The following PALM2AKAP2 variants were observed in gnomAD, a reference collection of about 807,000 sequenced individuals.
PALM2AKAP2 encodes the protein PALM2 and AKAP2 fusion.
A neutral mutation model predicts 71.5 loss-of-function variants in PALM2AKAP2; 37 were observed. The observed-to-expected ratio is 0.52, with a 90% CI of 0.40 to 0.68. The LOEUF (loss-of-function observed/expected upper bound fraction) is 0.68. Among genes scored for constraint, PALM2AKAP2 ranks in the 30% least tolerant of loss-of-function variants. The pLI is 0.00. For missense variants in PALM2AKAP2, 1,224 were observed against 1,191.8 expected (o/e 1.03, Z -0.40); for synonymous variants, 468 against 478.8 (o/e 0.98, Z 0.29).
At chr9:109,978,561 T>G (rs1330091411) in intron 6 of PALM2AKAP2, among the ~76,000 whole-genome samples, 1 of 152,162 alleles carries the variant, frequency 6.6e-6, no homozygotes, top group Non-Finnish European at 1.5e-5. Context: ...CCATCCTCCT[T>G]ATGTTGCCTG....
chr9:110,136,529 AC>A lies in PALM2AKAP2; in HGVS notation c.562del (p.Gln188SerfsTer75). On this transcript the variant is annotated frameshift_variant, in exon 2 of 4. Transcript: ENST00000374525. LOFTEE classifies it high-confidence loss of function. ...CCTAAGCCCCCCTGTCCACGAGGCG[AC>A]CCAGCCAGAACCCACTGAAAGAACA... 1 of 1,613,358 alleles carries A rather than the reference AC, an allele frequency of 6.2e-7. No individual in the cohort carries two copies. The highest frequency in any genetic ancestry group is 8.5e-7 in the Non-Finnish European group (1 of 1,180,008).
chr9:110,020,463 A>G (rs1380003178), intron 7 of PALM2AKAP2, among the ~76,000 whole-genome samples: 1 of 152,064 alleles, frequency 6.6e-6, no homozygotes, highest in Non-Finnish European at 1.5e-5. Flanking sequence ...TGGGTGGATC[A>G]CCTGAGGTCA....
intron 3 of PALM2AKAP2, among the ~76,000 whole-genome samples, chr9:109,908,102 C>G (rs922427334): frequency 6.6e-6 from 1 of 152,174 alleles, no homozygotes; most frequent in Admixed American, 6.5e-5. Flanking sequence ...AGGCTGTGTG[C>G]AAATACTCTT....
intron 6 of PALM2AKAP2, among the ~76,000 whole-genome samples, chr9:110,011,020 T>TATATATATAG (rs1554737839): frequency 1.4e-4 from 17 of 123,888 alleles, no homozygotes; most frequent in African/African-American, 4.8e-4. Flanking sequence ...AAAAAATATA[T>TATATATATAG]ATATATATAT....
chr9:109,844,927 AATG>A (rs1205668097), intron 1 of PALM2AKAP2, among the ~76,000 whole-genome samples: 1 of 90,086 alleles, frequency 1.1e-5, no homozygotes, highest in African/African-American at 4.9e-5. Context: ...AATGCCAGAA[AATG>A]ATGTGTGTGT....
chr9:110,121,300 G>T (rs1056490151), intron 1 of PALM2AKAP2, among the ~76,000 whole-genome samples: 6 of 152,318 alleles, frequency 3.9e-5, no homozygotes, highest in East Asian at 1.9e-4. Flanking sequence ...TCCATGCTGA[G>T]ATGTAGGGTC....
At chr9:110,129,365 T>C (rs1475049844) in intron 1 of PALM2AKAP2, among the ~76,000 whole-genome samples, 1 of 152,254 alleles carries the variant, frequency 6.6e-6, no homozygotes, top group Non-Finnish European at 1.5e-5. Context: ...CTTCTTACCA[T>C]TTCCCATGTC....
At chr9:110,151,949 C>T (rs548605792) in intron 2 of PALM2AKAP2, among the ~76,000 whole-genome samples, 3 of 152,258 alleles carry the variant, frequency 2.0e-5, no homozygotes, top group African/African-American at 7.2e-5. Context: ...TCAAGAGAGC[C>T]GTTCTGGCCG....
At chr9:110,039,643 T>C (rs1225855377) in intron 7 of PALM2AKAP2, among the ~76,000 whole-genome samples, 1 of 152,218 alleles carries the variant, frequency 6.6e-6, no homozygotes, top group Non-Finnish European at 1.5e-5. Context: ...AACATTTTGA[T>C]ATGCCTTCAC....
At chr9:109,977,767 C>G (rs985367398) in intron 6 of PALM2AKAP2, among the ~76,000 whole-genome samples, 72 of 151,666 alleles carry the variant, frequency 4.7e-4, no homozygotes, top group African/African-American at 1.7e-3. Flanking sequence ...CCCTTCACCC[C>G]CTGCCTCTCT....
intron 1 of PALM2AKAP2, among the ~76,000 whole-genome samples, chr9:109,774,855 C>G (rs1829326803): frequency 6.6e-6 from 1 of 152,212 alleles, no homozygotes; most frequent in Non-Finnish European, 1.5e-5. Flanking sequence ...TGTGAGAGGG[C>G]TGAGATTCCA....
rs370681900 is a variant in PALM2AKAP2, at chr9:109,683,221, G to A, written c.5+42355G>A. 2.2e-4 allele frequency among the ~76,000 whole-genome samples: 33 copies of A among 152,318 alleles called. 1 individual carries two copies. In the East Asian group the frequency reaches 4.0e-3, roughly 19 times the overall value. On this transcript the variant is annotated intron_variant, in intron 1 of 6. Transcript: ENST00000374531. Reference sequence around the variant, plus strand: ...TTCTGTACAGCCTGCAGAATGGTGAGCCAATTAAACCTCTTTTCTTTATAA... The same window carrying A: ...TTCTGTACAGCCTGCAGAATGGTGAACCAATTAAACCTCTTTTCTTTATAA...
intron 6 of PALM2AKAP2, among the ~76,000 whole-genome samples, chr9:109,967,066 T>G (rs903573174): frequency 1.3e-5 from 2 of 152,226 alleles, no homozygotes; most frequent in Non-Finnish European, 2.9e-5. Flanking sequence ...AGCTATGTAG[T>G]TCTTGGGATC....
chr9:109,852,135 A>G (rs1476877397), intron 1 of PALM2AKAP2, among the ~76,000 whole-genome samples: 4 of 152,210 alleles, frequency 2.6e-5, no homozygotes, highest in South Asian at 2.1e-4. Context: ...TTCAGGTGGT[A>G]CATGTGCAGA....
intron 1 of PALM2AKAP2, among the ~76,000 whole-genome samples, chr9:109,723,723 G>A (rs1415414132): frequency 6.6e-6 from 1 of 152,212 alleles, no homozygotes; most frequent in Non-Finnish European, 1.5e-5. Flanking sequence ...GAAGTACACA[G>A]CACCTGCAAA....
chr9:109,660,668 TG>T (rs1268152522), intron 1 of PALM2AKAP2, among the ~76,000 whole-genome samples: 14 of 152,188 alleles, frequency 9.2e-5, no homozygotes, highest in African/African-American at 3.4e-4. Context: ...CGTGTGCATG[TG>T]TCTTTATAGT....
At chr9:109,948,979 G>A (rs1343745682) in intron 6 of PALM2AKAP2, among the ~76,000 whole-genome samples, 1 of 152,180 alleles carries the variant, frequency 6.6e-6, no homozygotes, top group African/African-American at 2.4e-5. Flanking sequence ...AACGCAGGTT[G>A]TATTCCAAAG....
At chr9:109,874,925 G>C (rs1829686198) in intron 2 of PALM2AKAP2, among the ~76,000 whole-genome samples, 1 of 152,142 alleles carries the variant, frequency 6.6e-6, no homozygotes, top group Admixed American at 6.5e-5. Flanking sequence ...TCTGTTTCAA[G>C]CTAATATTCT....
At chr9:109,752,855 T>C (rs1456665053) in intron 1 of PALM2AKAP2, among the ~76,000 whole-genome samples, 2 of 151,840 alleles carry the variant, frequency 1.3e-5, no homozygotes, top group Non-Finnish European at 2.9e-5. Context: ...GTTCATCCAG[T>C]TGAGAAAAGA....
Sources: allele counts gnomAD v4.1 joint callset (sites outside exome capture counted in the v4.1 genomes callset), GRCh38; gene constraint gnomAD v4.1.1; transcripts MANE v1.5; gene names NCBI Gene and HGNC (gene_info 2026-07-23, HGNC 2026-07-21).